The following HDLBP variants were observed in gnomAD, a reference collection of about 807,000 sequenced individuals.
HDLBP encodes the protein high density lipoprotein binding protein.
Under a neutral mutation model 137.3 loss-of-function variants are expected in HDLBP, and 30 were observed. The ratio of observed to expected loss-of-function variants is 0.22; its 90% CI spans 0.16 to 0.30. HDLBP has a LOEUF of 0.30. HDLBP is among the 10% of genes least tolerant of loss of function. The probability of loss-of-function intolerance (pLI) is 1.00; values close to 1 mark genes in which losing one functional copy is unlikely to be tolerated. For missense variants in HDLBP, 1,119 were observed against 1,667.3 expected (o/e 0.67, Z 5.73); for synonymous variants, 606 against 596.0 (o/e 1.02, Z -0.24).
intron 5 of HDLBP, among the ~76,000 whole-genome samples, chr2:241,257,049 A>T (rs943513744): frequency 6.6e-5 from 10 of 152,218 alleles, no homozygotes; most frequent in Admixed American, 6.5e-5. Flanking sequence ...ATATACACCC[A>T]CAAAGGGAGA....
At position 241,236,670 on chromosome 2, in the gene HDLBP, A is replaced by G; in HGVS notation, c.2849T>C (p.Ile950Thr). Residue 950 changes from isoleucine to threonine, a missense_variant, in exon 21 of 28, where the codon ATC becomes ACC. Around this residue, in one of 4 missense-constraint regions of HDLBP, gnomAD observed 618 missense variants for 816.7 expected, o/e 0.76. Coordinates refer to ENST00000310931, the MANE Select transcript of HDLBP (RefSeq NM_005336.6). ...CDPGSPRRCDIIIISGRKEKC... is the reference protein window; with the variant it reads ...CDPGSPRRCDTIIISGRKEKC... Reference sequence around the variant, plus strand: ...TTCTTTCCGGCCAGAGATGATGATGATGTCACACCTCCTTGGAGAGCCGGG... The same window carrying G: ...TTCTTTCCGGCCAGAGATGATGATGGTGTCACACCTCCTTGGAGAGCCGGG... 1 of 1,613,932 alleles carries G rather than the reference A, an allele frequency of 6.2e-7. No individual in the cohort carries two copies. Among genetic ancestry groups the G allele is most frequent in the Non-Finnish European group, 8.5e-7 (1 of 1,179,954 alleles).
chr2:241,306,531 C>T (rs569369148), intron 1 of HDLBP, among the ~76,000 whole-genome samples: 99 of 152,160 alleles, frequency 6.5e-4, no homozygotes, highest in Admixed American at 1.3e-3. Context: ...AGTGCTGGGA[C>T]TACAGGCGTG....
At chr2:241,268,084 C>G in intron 2 of HDLBP, 1 of 520,962 alleles carries the variant, frequency 1.9e-6, no homozygotes, top group Non-Finnish European at 2.5e-6. Context: ...ATCAATTACT[C>G]GCACAACAAG....
intron 1 of HDLBP, among the ~76,000 whole-genome samples, chr2:241,301,491 C>T (rs1162261956): frequency 6.6e-6 from 1 of 152,086 alleles, no homozygotes. Flanking sequence ...AAAACACATT[C>T]GGATGATGCA....
At chr2:241,274,215 G>A (rs1055299960) in intron 1 of HDLBP, among the ~76,000 whole-genome samples, 2 of 152,138 alleles carry the variant, frequency 1.3e-5, no homozygotes, top group Non-Finnish European at 2.9e-5. Context: ...CAGGGGAAAA[G>A]CCTAGGAGCC....
chr2:241,271,788 A>C (rs1205822754), intron 1 of HDLBP: 8 of 152,320 alleles, frequency 5.3e-5, no homozygotes, highest in Non-Finnish European at 1.0e-4. Flanking sequence ...AAAATTACTC[A>C]AGACCACAAA....
intron 1 of HDLBP, among the ~76,000 whole-genome samples, chr2:241,290,566 C>T (rs1474471586): frequency 1.3e-5 from 2 of 151,606 alleles, no homozygotes; most frequent in South Asian, 2.1e-4. Context: ...GCCGAGATCG[C>T]GCCATTGCAC....
At chr2:241,234,151 A>G (rs2070119275) in intron 23 of HDLBP, among the ~76,000 whole-genome samples, 188 bp from the exon 24 acceptor site, 1 of 152,204 alleles carries the variant, frequency 6.6e-6, no homozygotes, top group Non-Finnish European at 1.5e-5. Flanking sequence ...AATGAGAACC[A>G]GGGAACTTGG....
chr2:241,234,090 G>A, intron 23 of HDLBP, 127 bp from the exon 24 acceptor site: 2 of 1,075,456 alleles, frequency 1.9e-6, no homozygotes, highest in Non-Finnish European at 2.7e-6. Context: ...GGTCCGGAAT[G>A]GTCCGCCATC....
At chr2:241,301,654 C>T (rs2075399485) in intron 1 of HDLBP, among the ~76,000 whole-genome samples, 1 of 152,124 alleles carries the variant, frequency 6.6e-6, no homozygotes, top group Non-Finnish European at 1.5e-5. Flanking sequence ...TACTCACACA[C>T]ACTTCAGTCT....
chr2:241,263,891 G>A (rs1450452787), intron 4 of HDLBP, among the ~76,000 whole-genome samples: 3 of 152,108 alleles, frequency 2.0e-5, no homozygotes, highest in Non-Finnish European at 4.4e-5. Context: ...CTAGCATACA[G>A]GGTGGACATG....
chr2:241,242,895 G>A, intron 16 of HDLBP: 1 of 573,116 alleles, frequency 1.7e-6, no homozygotes, highest in Non-Finnish European at 3.1e-6. Flanking sequence ...GCCCAGCAGA[G>A]CAGGCGCGCT....
At chr2:241,253,370 C>T (rs779013565) in intron 10 of HDLBP, 23 bp downstream of exon 10, 13 of 1,503,346 alleles carry the variant, frequency 8.6e-6, no homozygotes, top group Admixed American at 6.7e-5. Flanking sequence ...CCAGCACACA[C>T]AACATTCCAA....
chr2:241,258,884 C>T (rs1225843422), intron 5 of HDLBP, among the ~76,000 whole-genome samples: 2 of 152,154 alleles, frequency 1.3e-5, no homozygotes, highest in African/African-American at 2.4e-5. Flanking sequence ...GACGGCAAAA[C>T]ACTAATTCCT....
Position 241,228,009 on chromosome 2 carries a change from G to C in HDLBP, c.*1592C>G, listed in dbSNP as rs2149292309. 6.6e-6 allele frequency: 1 copy of C among 152,342 alleles called. No homozygotes were observed. Among genetic ancestry groups the C allele is most frequent in the East Asian group, 1.9e-4 (1 of 5,188 alleles). 9.4% of individuals were successfully genotyped at this position (152,342 alleles called of 1,614,324 possible). A position where few individuals can be genotyped will look rare whatever the true frequency, so the allele number is the denominator to read the frequency against. ...CCATTCAGGGCTGCCTGAGCAAATG[G>C]GGACTTGCCGAGGCAGCTGCAACTA... On this transcript the variant is annotated 3_prime_UTR_variant, in exon 28 of 28. Coordinates refer to ENST00000310931, the MANE Select transcript of HDLBP (RefSeq NM_005336.6).
intron 1 of HDLBP, among the ~76,000 whole-genome samples, chr2:241,306,075 G>A (rs1240073213): frequency 6.6e-6 from 1 of 151,786 alleles, no homozygotes; most frequent in African/African-American, 2.4e-5. Flanking sequence ...GTTTTAATAG[G>A]TGAGGATTTT....
At chr2:241,232,973 G>C (rs894103725) in intron 24 of HDLBP, among the ~76,000 whole-genome samples, 1 of 149,786 alleles carries the variant, frequency 6.7e-6, no homozygotes, top group Non-Finnish European at 1.5e-5. Flanking sequence ...GGAACAAGAA[G>C]CTGGGGAGGA....
At chr2:241,287,575 A>T (rs1037722053) in intron 1 of HDLBP, among the ~76,000 whole-genome samples, 2 of 152,002 alleles carry the variant, frequency 1.3e-5, no homozygotes, top group Non-Finnish European at 2.9e-5. Flanking sequence ...GTGCGCCACT[A>T]TGCCTGGCTA....
chr2:241,258,017 G>C (rs2072820956), intron 5 of HDLBP, among the ~76,000 whole-genome samples: 2 of 152,200 alleles, frequency 1.3e-5, no homozygotes, highest in Admixed American at 6.5e-5. Context: ...ACTCCGGGAA[G>C]CCGAGATGAG....
Sources: allele counts gnomAD v4.1 joint callset (sites outside exome capture counted in the v4.1 genomes callset), GRCh38; gene constraint gnomAD v4.1.1; regional missense constraint gnomAD v4.1.1; transcripts MANE v1.5; gene names NCBI Gene and HGNC (gene_info 2026-07-23, HGNC 2026-07-21).